TBX5: variants seen among roughly 807,000 people sequenced by gnomAD.
TBX5 encodes T-box transcription factor 5.
Under a neutral mutation model 51.1 loss-of-function variants are expected in TBX5, and 8 were observed. The ratio of observed to expected loss-of-function variants is 0.16; its 90% CI spans 0.09 to 0.28. The LOEUF (loss-of-function observed/expected upper bound fraction) is 0.28. Among genes scored for constraint, TBX5 ranks in the 10% least tolerant of loss-of-function variants. The pLI is 1.00. For synonymous variants in TBX5, 302 were observed against 266.4 expected (o/e 1.13, Z -1.30); for missense variants, 589 against 671.7 (o/e 0.88, Z 1.36).
intron 1 of TBX5, among the ~76,000 whole-genome samples, chr12:114,405,254 G>C (rs1191824618): frequency 6.6e-6 from 1 of 152,050 alleles, no homozygotes; most frequent in Non-Finnish European, 1.5e-5. Context: ...GCGGCGACTG[G>C]AGCCCCGCTG....
chr12:114,382,722 G>A (rs890158990), intron 7 of TBX5, among the ~76,000 whole-genome samples: 9 of 152,248 alleles, frequency 5.9e-5, no homozygotes, highest in South Asian at 4.1e-4. Flanking sequence ...TCTTGAACCC[G>A]GGAGGCCAAG....
At chr12:114,358,558 G>A (rs1378603841) in intron 8 of TBX5, among the ~76,000 whole-genome samples, 1 of 152,044 alleles carries the variant, frequency 6.6e-6, no homozygotes, top group Non-Finnish European at 1.5e-5. Flanking sequence ...TCTTAGGGTT[G>A]TGCCCACTTA....
At chr12:114,389,249 C>T (rs1386970812) in intron 6 of TBX5, among the ~76,000 whole-genome samples, 1 of 152,036 alleles carries the variant, frequency 6.6e-6, no homozygotes, top group Non-Finnish European at 1.5e-5. Context: ...CTTGACTCTT[C>T]TGAATGAGTA....
At chr12:114,394,136 G>A (rs568349939) in intron 6 of TBX5, among the ~76,000 whole-genome samples, 10 of 152,224 alleles carry the variant, frequency 6.6e-5, no homozygotes, top group African/African-American at 2.2e-4. Flanking sequence ...GAGAGACCCC[G>A]TCTTTACAAA....
intron 8 of TBX5, among the ~76,000 whole-genome samples, chr12:114,362,129 T>C (rs1223779242): frequency 1.3e-5 from 2 of 152,010 alleles, no homozygotes; most frequent in Non-Finnish European, 2.9e-5. Flanking sequence ...ATCTCCAGCT[T>C]CTCCCCACAC....
chr12:114,402,027 C>CTGT, intron 2 of TBX5, 107 bp from the exon 3 acceptor site: 1 of 1,013,664 alleles, frequency 9.9e-7, no homozygotes, highest in African/African-American at 1.6e-5. Flanking sequence ...CCGCTGGAGC[C>CTGT]TGTGGTCTCA....
chr12:114,394,061 C>A (rs1474088462), intron 6 of TBX5, among the ~76,000 whole-genome samples: 2 of 152,204 alleles, frequency 1.3e-5, no homozygotes, highest in African/African-American at 2.4e-5. Flanking sequence ...AATACCAACG[C>A]TTTGGAAAAC....
intron 3 of TBX5, among the ~76,000 whole-genome samples, chr12:114,400,708 G>A (rs1285522199): frequency 6.6e-6 from 1 of 152,242 alleles, no homozygotes; most frequent in African/African-American, 2.4e-5. Context: ...CGGGGGGAAA[G>A]AGGGACTCGG....
At chr12:114,371,387 G>A (rs1299955804) in intron 7 of TBX5, among the ~76,000 whole-genome samples, 1 of 152,090 alleles carries the variant, frequency 6.6e-6, no homozygotes, top group Non-Finnish European at 1.5e-5. Context: ...CCACGTGAGC[G>A]AGTGCAATGA....
chr12:114,370,219 G>A (rs1869781205), intron 7 of TBX5, among the ~76,000 whole-genome samples: 1 of 114,518 alleles, frequency 8.7e-6, no homozygotes. Flanking sequence ...TGACAAGAGT[G>A]AAACTCTGTC....
chr12:114,384,861 T>C (rs1034049992), intron 7 of TBX5, among the ~76,000 whole-genome samples: 3 of 152,138 alleles, frequency 2.0e-5, no homozygotes, highest in African/African-American at 7.2e-5. Flanking sequence ...TTCCACAAAA[T>C]TGGCAATGCT....
At chr12:114,370,070 C>T (rs1869769731) in intron 7 of TBX5, among the ~76,000 whole-genome samples, 1 of 151,886 alleles carries the variant, frequency 6.6e-6, no homozygotes. Context: ...GTCTGGTCAA[C>T]ATGACGAAAC....
chr12:114,368,042 T>C (rs570535570), intron 7 of TBX5, among the ~76,000 whole-genome samples: 9 of 152,268 alleles, frequency 5.9e-5, no homozygotes, highest in Admixed American at 5.9e-4. Flanking sequence ...TCAGACACAA[T>C]TTTCACCATG....
chr12:114,406,931 T>C (rs529045910), upstream of TBX5: 279 of 485,360 alleles, frequency 5.7e-4, no homozygotes, highest in Non-Finnish European at 6.9e-4. Context: ...CAGACCCAGA[T>C]TGGGACACCG....
intron 3 of TBX5, among the ~76,000 whole-genome samples, chr12:114,400,129 G>C (rs892238451): frequency 6.6e-6 from 1 of 152,140 alleles, no homozygotes; most frequent in Non-Finnish European, 1.5e-5. Flanking sequence ...GCGTGGGTGC[G>C]CCCAGGCTTC....
At chr12:114,393,315 C>T (rs1023458458) in intron 6 of TBX5, among the ~76,000 whole-genome samples, 8 of 152,122 alleles carry the variant, frequency 5.3e-5, no homozygotes, top group Non-Finnish European at 8.8e-5. Context: ...GTGACCTGCC[C>T]TCACAGATCC....
At chr12:114,401,283 C>T (rs931853001) in intron 3 of TBX5, among the ~76,000 whole-genome samples, 2 of 152,188 alleles carry the variant, frequency 1.3e-5, no homozygotes, top group Non-Finnish European at 1.5e-5. Context: ...TTAAAGGCTT[C>T]GCCTGCTTTC....
intron 8 of TBX5, among the ~76,000 whole-genome samples, chr12:114,364,170 A>G (rs1464252745): frequency 6.6e-6 from 1 of 152,212 alleles, no homozygotes. Context: ...TACTTTCCTC[A>G]TGTAACCCCA....
In TBX5 at chr12:114,405,816, T is replaced by C. The variant is rs1872180582; in HGVS notation, c.-227A>G. ...GGAGCCTCCGCGGCGACTGCCCACC[T>C]CCAACACACACCTCCTCTGCTGTGC... On this transcript the variant is annotated 5_prime_UTR_variant, in exon 1 of 9. Coordinates refer to ENST00000405440, the MANE Select transcript of TBX5 (RefSeq NM_181486.4). 4 of 985,566 alleles carry C rather than the reference T, an allele frequency of 4.1e-6. No individual in the cohort carries two copies. Among genetic ancestry groups the C allele is most frequent in the Non-Finnish European group, 4.8e-6 (4 of 830,054 alleles). 61.1% of individuals were successfully genotyped at this position (985,566 alleles called of 1,614,324 possible). A position where few individuals can be genotyped will look rare whatever the true frequency, so the allele number is the denominator to read the frequency against.
Sources: allele counts gnomAD v4.1 joint callset (sites outside exome capture counted in the v4.1 genomes callset), GRCh38; gene constraint gnomAD v4.1.1; transcripts MANE v1.5; gene names NCBI Gene and HGNC (gene_info 2026-07-23, HGNC 2026-07-21).